PALLD: variants seen among roughly 807,000 people sequenced by gnomAD.
PALLD encodes palladin.
In PALLD, 61 loss-of-function variants were observed where a neutral mutation model predicts 123.5. That is an observed-to-expected ratio of 0.49 (90% confidence interval 0.40 to 0.61). The LOEUF (loss-of-function observed/expected upper bound fraction) is 0.61, where lower values mean the gene tolerates loss of function less well. Ranked by LOEUF, PALLD falls within the 20% of genes least tolerant of loss-of-function variation. The pLI, the probability that PALLD is intolerant of heterozygous loss-of-function variation, is 0.00. For missense variants in PALLD, 1,273 were observed against 1,377.0 expected (o/e 0.92, Z 1.20); for synonymous variants, 465 against 496.4 (o/e 0.94, Z 0.84).
chr4:168,673,548 A>T (rs1272287995), intron 3 of PALLD, among the ~76,000 whole-genome samples: 2 of 152,236 alleles, frequency 1.3e-5, no homozygotes, highest in Non-Finnish European at 2.9e-5. Context: ...GTTTGGCTAA[A>T]TAAAATTGAA....
At chr4:168,676,739 A>ATT (rs397961036) in intron 3 of PALLD, among the ~76,000 whole-genome samples, 3,284 of 143,774 alleles carry the variant, frequency 0.023, 133 homozygotes, top group African/African-American at 0.079. Flanking sequence ...TGCCCATCTA[A>ATT]TTTTTTTTTT....
chr4:168,900,452 A>G (rs971032090), intron 14 of PALLD, among the ~76,000 whole-genome samples: 1 of 152,244 alleles, frequency 6.6e-6, no homozygotes, highest in African/African-American at 2.4e-5. Flanking sequence ...AAAAATACAA[A>G]TTTATAAAAT....
intron 10 of PALLD, among the ~76,000 whole-genome samples, chr4:168,796,859 A>G (rs1738584207): frequency 6.6e-6 from 1 of 152,116 alleles, no homozygotes; most frequent in African/African-American, 2.4e-5. Flanking sequence ...CTTGTCTCCT[A>G]ATTCGAGGTC....
intron 2 of PALLD, among the ~76,000 whole-genome samples, chr4:168,624,405 C>CA (rs1356564207): frequency 2.0e-5 from 3 of 151,970 alleles, no homozygotes; most frequent in African/African-American, 7.2e-5. Flanking sequence ...CCACCCCCCG[C>CA]AAAAAAGCTT....
At position 168,927,907 on chromosome 4, in the gene PALLD, G is replaced by GTATCT. The variant is rs1279374329; in HGVS notation, c.*1729_*1733dup. On this transcript the variant is annotated 3_prime_UTR_variant, in exon 22 of 22. Coordinates refer to ENST00000505667, the MANE Select transcript of PALLD (RefSeq NM_001166108.2). ...ACTGTATTCCTTATGCAAAACACATGTATCTTTCATTATTTATAAGTGGCC... is the reference window on the plus strand; with the variant it reads ...ACTGTATTCCTTATGCAAAACACATGTATCTTATCTTTCATTATTTATAAGTGGCC... 2 of 202,542 alleles carry GTATCT rather than the reference G, an allele frequency of 9.9e-6. No homozygotes were observed. Among genetic ancestry groups the GTATCT allele is most frequent in the Non-Finnish European group, 2.0e-5 (2 of 98,424 alleles). 12.5% of individuals were successfully genotyped at this position (202,542 alleles called of 1,614,324 possible). A position where few individuals can be genotyped will look rare whatever the true frequency, so the allele number is the denominator to read the frequency against.
chr4:168,668,122 T>C, intron 2 of PALLD, 68 bp from the exon 3 acceptor site: 1 of 1,277,292 alleles, frequency 7.8e-7, no homozygotes, highest in South Asian at 1.2e-5. Context: ...TCACTTCTGC[T>C]TTATTGTTTT....
At chr4:168,864,912 A>G (rs1451644271) in intron 10 of PALLD, among the ~76,000 whole-genome samples, 1 of 152,262 alleles carries the variant, frequency 6.6e-6, no homozygotes, top group East Asian at 1.9e-4. Context: ...GACTATACAC[A>G]GTCATATATA....
At chr4:168,831,796 A>C (rs1744244665) in intron 10 of PALLD, among the ~76,000 whole-genome samples, 1 of 152,240 alleles carries the variant, frequency 6.6e-6, no homozygotes, top group Non-Finnish European at 1.5e-5. Flanking sequence ...TAAAAAACTT[A>C]AATTCTTTCC....
chr4:168,712,914 G>C (rs991914688), intron 10 of PALLD, among the ~76,000 whole-genome samples: 4 of 152,130 alleles, frequency 2.6e-5, no homozygotes, highest in African/African-American at 9.7e-5. Flanking sequence ...AGAAATGTTA[G>C]AATTTAAAAG....
chr4:168,906,912 C>A (rs1757925009), intron 15 of PALLD, among the ~76,000 whole-genome samples: 1 of 152,170 alleles, frequency 6.6e-6, no homozygotes, highest in African/African-American at 2.4e-5. Flanking sequence ...AGAAATGTTA[C>A]TACAAATACC....
At chr4:168,910,981 T>C (rs999534896) in intron 15 of PALLD, among the ~76,000 whole-genome samples, 2 of 152,198 alleles carry the variant, frequency 1.3e-5, no homozygotes, top group African/African-American at 4.8e-5. Flanking sequence ...TCTTGATGCA[T>C]GTCCATGCAT....
intron 10 of PALLD, among the ~76,000 whole-genome samples, chr4:168,753,563 T>G (rs1001441821): frequency 1.3e-5 from 2 of 152,178 alleles, no homozygotes; most frequent in Non-Finnish European, 2.9e-5. Context: ...TTGGTCTGTG[T>G]AACTCACAGG....
At chr4:168,595,370 A>G (rs1018214853) in intron 2 of PALLD, among the ~76,000 whole-genome samples, 1 of 152,138 alleles carries the variant, frequency 6.6e-6, no homozygotes, top group African/African-American at 2.4e-5. Context: ...TGTACTATGT[A>G]ATAAACATGG....
intron 8 of PALLD, among the ~76,000 whole-genome samples, chr4:168,704,563 C>T (rs1784038421): frequency 1.3e-5 from 2 of 150,146 alleles, no homozygotes. Flanking sequence ...ACTGGGCAGG[C>T]TGAGGCAGGA....
chr4:168,771,405 C>G (rs1734419580), intron 10 of PALLD, among the ~76,000 whole-genome samples: 1 of 152,158 alleles, frequency 6.6e-6, no homozygotes, highest in South Asian at 2.1e-4. Flanking sequence ...TGTTGAGAGC[C>G]TGGAAGAGAC....
intron 10 of PALLD, among the ~76,000 whole-genome samples, chr4:168,852,290 G>T (rs960777264): frequency 6.6e-6 from 1 of 152,222 alleles, no homozygotes; most frequent in South Asian, 2.1e-4. Flanking sequence ...GTACTTGCTG[G>T]CTTCATGTGG....
At chr4:168,518,530 C>T (rs1431761122) in intron 2 of PALLD, among the ~76,000 whole-genome samples, 1 of 152,198 alleles carries the variant, frequency 6.6e-6, no homozygotes, top group African/African-American at 2.4e-5. Context: ...CATCACACCA[C>T]CAGGCTTGTT....
intron 2 of PALLD, chr4:168,631,495 T>G (rs1420122687): frequency 2.0e-6 from 1 of 512,238 alleles, no homozygotes; most frequent in East Asian, 1.5e-4. Flanking sequence ...GAGCATGGAG[T>G]GAAGGGAGTT....
chr4:168,853,582 C>A (rs76585611), intron 10 of PALLD, among the ~76,000 whole-genome samples: 1 of 152,002 alleles, frequency 6.6e-6, no homozygotes, highest in Non-Finnish European at 1.5e-5. Flanking sequence ...TTTGACCTGA[C>A]ATCTGAAGGC....
Sources: allele counts gnomAD v4.1 joint callset (sites outside exome capture counted in the v4.1 genomes callset), GRCh38; gene constraint gnomAD v4.1.1; transcripts MANE v1.5; gene names NCBI Gene and HGNC (gene_info 2026-07-23, HGNC 2026-07-21).